DCC: variants seen among roughly 807,000 people sequenced by gnomAD.
The protein encoded by DCC is netrin receptor DCC.
DCC carries 58 observed loss-of-function variants against 172.5 expected under a neutral mutation model. The ratio of observed to expected loss-of-function variants is 0.34; its 90% confidence interval spans 0.27 to 0.42. DCC has a LOEUF of 0.42. Ranked by LOEUF, DCC falls within the 10% of genes least tolerant of loss-of-function variation. DCC has a pLI of 1.00. For synonymous variants in DCC, 709 were observed against 644.5 expected (o/e 1.10, Z -1.52); for missense variants, 1,740 against 1,791.0 (o/e 0.97, Z 0.51).
At chr18:53,215,737 A>G (rs1228365947) in intron 12 of DCC, 140 bp downstream of exon 12, 2 of 753,040 alleles carry the variant, frequency 2.7e-6, no homozygotes, top group East Asian at 5.0e-5. Context: ...ACAGCAAGTG[A>G]CATTGATCCC....
At chr18:53,114,925 G>A (rs757492551) in intron 7 of DCC, among the ~76,000 whole-genome samples, 6 of 151,622 alleles carry the variant, frequency 4.0e-5, no homozygotes, top group African/African-American at 4.8e-5. Flanking sequence ...TATTTTGAAC[G>A]TTGAAAGCAA....
chr18:52,446,009 G>A (rs1988110245), intron 1 of DCC, among the ~76,000 whole-genome samples: 1 of 152,168 alleles, frequency 6.6e-6, no homozygotes, highest in Non-Finnish European at 1.5e-5. Context: ...TCGGCTCACT[G>A]CAAGCTCCGC....
chr18:53,116,448 T>C (rs1325941662), intron 7 of DCC, among the ~76,000 whole-genome samples: 2 of 151,768 alleles, frequency 1.3e-5, no homozygotes, highest in Admixed American at 6.6e-5. Flanking sequence ...ATCAGCCTTA[T>C]GTTCCGTGTC....
intron 1 of DCC, among the ~76,000 whole-genome samples, chr18:52,404,421 G>A (rs1012466018): frequency 2.0e-5 from 3 of 149,774 alleles, no homozygotes; most frequent in Non-Finnish European, 2.9e-5. Context: ...AATGATGTAC[G>A]CTGACTGTGT....
intron 26 of DCC, among the ~76,000 whole-genome samples, chr18:53,493,610 A>G (rs1300434426): frequency 6.6e-6 from 1 of 152,086 alleles, no homozygotes; most frequent in Admixed American, 6.5e-5. Flanking sequence ...ATCAGTGGTG[A>G]TATCCCCTTT....
chr18:53,288,054 G>T (rs997523772), intron 12 of DCC, among the ~76,000 whole-genome samples: 10 of 152,020 alleles, frequency 6.6e-5, no homozygotes, highest in African/African-American at 2.4e-4. Flanking sequence ...CTGCATACAG[G>T]ATGTTTTGTC....
intron 12 of DCC, among the ~76,000 whole-genome samples, chr18:53,275,701 T>C (rs529491093): frequency 3.3e-4 from 50 of 152,290 alleles, no homozygotes; most frequent in African/African-American, 1.2e-3. Context: ...ATATCTCTTA[T>C]GTTTAATTTC....
At chr18:53,272,368 G>T (rs1231212047) in intron 12 of DCC, among the ~76,000 whole-genome samples, 1 of 152,048 alleles carries the variant, frequency 6.6e-6, no homozygotes, top group African/African-American at 2.4e-5. Flanking sequence ...GTAATTTTGT[G>T]TTTGATGAGT....
At chr18:52,439,410 C>T (rs909934461) in intron 1 of DCC, among the ~76,000 whole-genome samples, 14 of 152,006 alleles carry the variant, frequency 9.2e-5, no homozygotes, top group Middle Eastern at 3.2e-3. Flanking sequence ...TGGCTTCACA[C>T]TCTGGTTTGT....
intron 2 of DCC, among the ~76,000 whole-genome samples, chr18:52,822,937 T>C (rs1048140406): frequency 6.6e-6 from 1 of 152,128 alleles, no homozygotes; most frequent in East Asian, 1.9e-4. Flanking sequence ...AGTGGTATTT[T>C]TTAAGAAAGT....
intron 12 of DCC, among the ~76,000 whole-genome samples, chr18:53,286,304 C>T (rs947575209): frequency 9.9e-5 from 15 of 152,206 alleles, no homozygotes; most frequent in Admixed American, 7.9e-4. Flanking sequence ...GTGACTGAAT[C>T]ATGGGGGCAG....
chr18:52,430,225 C>T (rs1464686215), intron 1 of DCC, among the ~76,000 whole-genome samples: 1 of 151,920 alleles, frequency 6.6e-6, no homozygotes, highest in African/African-American at 2.4e-5. Context: ...AGAAACATAA[C>T]TCTGACAGTC....
intron 1 of DCC, among the ~76,000 whole-genome samples, chr18:52,431,798 A>T (rs908145249): frequency 2.6e-5 from 4 of 152,074 alleles, no homozygotes; most frequent in Non-Finnish European, 5.9e-5. Flanking sequence ...TCTCACCAAT[A>T]AGCTTCATGT....
intron 12 of DCC, among the ~76,000 whole-genome samples, chr18:53,254,551 T>C (rs577111900): frequency 6.6e-6 from 1 of 152,202 alleles, no homozygotes; most frequent in South Asian, 2.1e-4. Flanking sequence ...TGGGAATACT[T>C]GTCCTTCTTC....
At chr18:52,508,832 A>T (rs1209310562) in intron 1 of DCC, among the ~76,000 whole-genome samples, 1 of 152,224 alleles carries the variant, frequency 6.6e-6, no homozygotes, top group Non-Finnish European at 1.5e-5. Context: ...CAATTTACAG[A>T]TGAAAAAAGG....
At chr18:53,149,328 A>C (rs568472052) in intron 7 of DCC, among the ~76,000 whole-genome samples, 2 of 152,036 alleles carry the variant, frequency 1.3e-5, no homozygotes, top group African/African-American at 4.8e-5. Flanking sequence ...CAGCCCTTAG[A>C]CTCCACTTCT....
At chr18:53,416,619 CTT>C (rs1235815510) in intron 21 of DCC, 1 of 203,712 alleles carries the variant, frequency 4.9e-6, no homozygotes, top group Admixed American at 5.4e-5. Flanking sequence ...GTTGGGTCAC[CTT>C]TTTTAGGGCA....
chr18:53,321,929 A>G (rs1252561276), intron 13 of DCC, 118 bp from the exon 14 acceptor site: 3 of 762,186 alleles, frequency 3.9e-6, no homozygotes, highest in East Asian at 2.4e-5. Flanking sequence ...CACAACAGTC[A>G]CAAACAATGT....
intron 7 of DCC, among the ~76,000 whole-genome samples, chr18:53,086,375 CTTCCTTTCTTCTTCTTCTTCTTCTTCCT>C (rs2042901588): frequency 3.3e-5 from 1 of 30,542 alleles, no homozygotes; most frequent in East Asian, 5.1e-4. Flanking sequence ...TCTTCTTCTT[CTTCCTTTCTTCTTCTTCTTCTTCTTCCT>C]TTCTTCTTCT....
Sources: gnomAD v4.1 joint callset for allele counts (sites outside exome capture counted in the v4.1 genomes callset) on GRCh38, gnomAD v4.1.1 for gene constraint, MANE v1.5 for transcripts, NCBI Gene and HGNC (gene_info 2026-07-23, HGNC 2026-07-21) for gene names.